Variants in SEPTIN7 observed in about 807,000 individuals in gnomAD.
The protein encoded by SEPTIN7 is septin-7.
A neutral mutation model predicts 63.3 loss-of-function variants in SEPTIN7; 10 were observed. The ratio of observed to expected loss-of-function variants is 0.16; its 90% CI spans 0.10 to 0.27. SEPTIN7 has a LOEUF of 0.27. SEPTIN7 is among the 10% of genes least tolerant of loss of function. The pLI is 1.00. For synonymous variants in SEPTIN7, 131 were observed against 165.3 expected (o/e 0.79, Z 1.59); for missense variants, 310 against 521.0 (o/e 0.59, Z 3.94).
chr7:35,903,130 T>C lies in SEPTIN7; in HGVS notation c.1189T>C (p.Leu397=). ...KKNLEAQHKE[L]EEKRRQFEDE... ...GAATTTGGAAGCACAGCACAAAGAATTGGAGGAAAAACGTCGTCAGTTCGA... is the reference window on the plus strand; with the variant it reads ...GAATTTGGAAGCACAGCACAAAGAACTGGAGGAAAAACGTCGTCAGTTCGA... The change falls in exon 13 of 14, where the codon TTG becomes CTG. Residue 397 remains leucine (L), a synonymous_variant. Transcript: ENST00000350320. 6.3e-7 allele frequency: 1 copy of C among 1,591,080 alleles called. No homozygotes were observed. The highest frequency in any genetic ancestry group is 8.5e-7 in the Non-Finnish European group (1 of 1,169,624).
At chr7:35,853,875 T>C (rs1785074834) in intron 3 of SEPTIN7, among the ~76,000 whole-genome samples, 1 of 152,188 alleles carries the variant, frequency 6.6e-6, no homozygotes, top group African/African-American at 2.4e-5. Flanking sequence ...TAGAACATAC[T>C]GCCTGGTGTC....
chr7:35,806,928 C>T (rs1238085190), intron 1 of SEPTIN7, among the ~76,000 whole-genome samples: 1 of 152,176 alleles, frequency 6.6e-6, no homozygotes, highest in African/African-American at 2.4e-5. Context: ...TGGGATGGGG[C>T]CCTGAAAATC....
rs750635104 is a variant in SEPTIN7 at position 35,883,917 on chromosome 7, T to C, written c.750T>C (p.Gly250=). The change falls in exon 9 of 14, where the codon GGT becomes GGC. Residue 250 remains glycine, a synonymous_variant. Coordinates refer to ENST00000350320, the MANE Select transcript of SEPTIN7 (RefSeq NM_001788.6). ...IKDRLPLAVV[G]SNTIIEVNGK... Reference sequence around the variant, plus strand: ...ACCGTTTACCTCTTGCTGTGGTAGGTAGTAATACTATCATTGAAGTTAATG... The same window carrying C: ...ACCGTTTACCTCTTGCTGTGGTAGGCAGTAATACTATCATTGAAGTTAATG... 2 of 1,607,594 alleles carry C rather than the reference T, an allele frequency of 1.2e-6. No homozygotes were observed. The highest frequency in any genetic ancestry group is 1.3e-5 in the African/African-American group (1 of 74,736).
intron 6 of SEPTIN7, 133 bp from the exon 7 acceptor site, chr7:35,879,690 C>G (rs1182838638): frequency 6.3e-6 from 4 of 631,032 alleles, no homozygotes; most frequent in Non-Finnish European, 1.2e-5. Context: ...CTTTTGCTGG[C>G]CTAATACATC....
chr7:35,845,883 G>A (rs959826825), intron 3 of SEPTIN7, among the ~76,000 whole-genome samples: 3 of 151,876 alleles, frequency 2.0e-5, no homozygotes, highest in African/African-American at 7.3e-5. Context: ...TTTTATATAT[G>A]TGGATGTTTG....
chr7:35,817,277 G>C (rs2115760901), intron 1 of SEPTIN7, among the ~76,000 whole-genome samples: 1 of 152,062 alleles, frequency 6.6e-6, no homozygotes, highest in Admixed American at 6.6e-5. Context: ...CTATCCAGTA[G>C]TTTCATCACT....
At chr7:35,854,651 T>C (rs1199114724) in intron 3 of SEPTIN7, among the ~76,000 whole-genome samples, 1 of 152,240 alleles carries the variant, frequency 6.6e-6, no homozygotes, top group African/African-American at 2.4e-5. Context: ...AGTCTCTTAC[T>C]GGACTCAATA....
downstream of SEPTIN7, among the ~76,000 whole-genome samples, chr7:35,909,150 CAA>C (rs1358695040): frequency 7.9e-5 from 12 of 152,186 alleles, no homozygotes; most frequent in East Asian, 2.3e-3. Flanking sequence ...GGATAACTCT[CAA>C]TGTGATTATA....
intron 11 of SEPTIN7, among the ~76,000 whole-genome samples, chr7:35,891,284 A>G (rs958685918): frequency 3.9e-5 from 6 of 152,218 alleles, no homozygotes; most frequent in African/African-American, 1.4e-4. Flanking sequence ...ATTGAAAATC[A>G]TAATTACATC....
In SEPTIN7 at chr7:35,831,476, T is replaced by A; in HGVS notation, c.62-16T>A. 2.1e-6 allele frequency: 1 copy of A among 481,436 alleles called. No individual in the cohort carries two copies. The highest frequency in any genetic ancestry group is 4.1e-6 in the Non-Finnish European group (1 of 242,012). The allele number at this position is 481,436 out of a possible 1,614,324, so 29.8% of individuals were successfully genotyped here. On this transcript the variant is annotated splice_polypyrimidine_tract_variant and intron_variant, in intron 1 of 13. Coordinates refer to ENST00000350320, the MANE Select transcript of SEPTIN7 (RefSeq NM_001788.6). The stretch of plus-strand genomic sequence containing the variant: ...ATCTGGAACACTGGAATGATGGAAA[T>A]GTGTTCTTTACAAAGTAGCTGTGAG...
At chr7:35,878,576 C>G (rs1013655279) in intron 6 of SEPTIN7, among the ~76,000 whole-genome samples, 4 of 152,142 alleles carry the variant, frequency 2.6e-5, no homozygotes, top group Admixed American at 6.5e-5. Flanking sequence ...ATGGATGATT[C>G]ATGTTATAGT....
intron 10 of SEPTIN7, among the ~76,000 whole-genome samples, chr7:35,888,655 A>T (rs1787430251): frequency 6.6e-6 from 1 of 151,996 alleles, no homozygotes; most frequent in South Asian, 2.1e-4. Flanking sequence ...CCTCGTCCCT[A>T]CTAAAAATAC....
In SEPTIN7 at chr7:35,820,539, T is replaced by G. The variant is rs1789350713; in HGVS notation, c.62-10953T>G. Among the ~76,000 whole-genome samples the G allele has an allele frequency of 2.0e-5, 3 of 152,176 alleles. No homozygotes were observed. The South Asian group carries it at 6.2e-4, about 32-fold the overall frequency. On this transcript the variant is annotated intron_variant, in intron 1 of 13. Transcript: ENST00000350320. The stretch of plus-strand genomic sequence containing the variant: ...GTTGAGCTTCTCTAGTGAATACTTT[T>G]ATTTATTATATTTTTTAACTCCAGA...
At chr7:35,885,713 G>T (rs1298223975) in intron 9 of SEPTIN7, 115 bp from the exon 10 acceptor site, 3 of 749,952 alleles carry the variant, frequency 4.0e-6, no homozygotes. Context: ...CAAAAAAATT[G>T]ATCTGTTTTG....
the SEPTIN7 span, among the ~76,000 whole-genome samples, chr7:35,915,592 G>C: frequency 1.3e-5 from 2 of 152,078 alleles, no homozygotes; most frequent in East Asian, 3.9e-4. Flanking sequence ...TCTCTGCATG[G>C]TTCCACTGTC....
chr7:35,838,355 TCCCTCCC>T (rs1784233030), intron 3 of SEPTIN7, among the ~76,000 whole-genome samples: 1 of 15,850 alleles, frequency 6.3e-5, no homozygotes. Flanking sequence ...CCTCCCTCCC[TCCCTCCC>T]TCCTCCCTCC....
chr7:35,883,792 T>TA, intron 8 of SEPTIN7, 99 bp from the exon 9 acceptor site: 1 of 580,264 alleles, frequency 1.7e-6, no homozygotes, highest in Non-Finnish European at 2.8e-6. Flanking sequence ...GTAAATTTTT[T>TA]TTTTTTTTGG....
chr7:35,823,702 T>A (rs964513127), intron 1 of SEPTIN7, among the ~76,000 whole-genome samples: 37 of 152,206 alleles, frequency 2.4e-4, no homozygotes, highest in African/African-American at 8.2e-4. Context: ...GAGGAAAAGA[T>A]CACATGGCTT....
chr7:35,868,434 A>G (rs1266814300), intron 4 of SEPTIN7, among the ~76,000 whole-genome samples: 1 of 152,214 alleles, frequency 6.6e-6, no homozygotes, highest in East Asian at 1.9e-4. Context: ...AAAAGTTCTC[A>G]AAGATCTCAC....
Sources: gnomAD v4.1 joint callset for allele counts (sites outside exome capture counted in the v4.1 genomes callset) on GRCh38, gnomAD v4.1.1 for gene constraint, MANE v1.5 for transcripts, NCBI Gene and HGNC (gene_info 2026-07-23, HGNC 2026-07-21) for gene names.